FRY: variants seen among roughly 807,000 people sequenced by gnomAD.
FRY encodes the protein protein furry homolog.
In FRY, 128 loss-of-function variants were observed where a neutral mutation model predicts 348.4. That is an observed-to-expected ratio of 0.37 (90% CI 0.32 to 0.43). FRY has a LOEUF of 0.43. Ranked by LOEUF, FRY falls within the 20% of genes least tolerant of loss-of-function variation. FRY has a pLI of 1.00. For missense variants in FRY, 2,736 were observed against 3,695.2 expected, an observed-to-expected ratio of 0.74 and a Z score of 6.73; for synonymous variants, 1,370 against 1,374.7, an observed-to-expected ratio of 1.00 and a Z score of 0.08.
At chr13:32,042,568 C>G (rs1017252787) in intron 1 of FRY, among the ~76,000 whole-genome samples, 12 of 147,174 alleles carry the variant, frequency 8.2e-5, no homozygotes, top group African/African-American at 3.3e-4. Context: ...CTTAGAAGCT[C>G]AAAGACCTAG....
chr13:32,224,568 T>C (rs1012688521), intron 37 of FRY, among the ~76,000 whole-genome samples, 183 bp downstream of exon 37: 4 of 152,230 alleles, frequency 2.6e-5, no homozygotes, highest in African/African-American at 9.6e-5. Flanking sequence ...TTAATCAACA[T>C]TCAAAGCTGC....
At chr13:32,074,836 T>C (rs540033608) in intron 1 of FRY, among the ~76,000 whole-genome samples, 2 of 152,280 alleles carry the variant, frequency 1.3e-5, no homozygotes, top group East Asian at 3.9e-4. Context: ...TCCAGAGACC[T>C]GGCATGAAGA....
intron 3 of FRY, among the ~76,000 whole-genome samples, chr13:32,112,297 A>G (rs1382869656): frequency 6.6e-6 from 1 of 151,968 alleles, no homozygotes; most frequent in African/African-American, 2.4e-5. Flanking sequence ...AGAAGGAAAC[A>G]CATTTTGGAA....
At chr13:32,067,868 G>C (rs942361338) in intron 1 of FRY, among the ~76,000 whole-genome samples, 5 of 152,156 alleles carry the variant, frequency 3.3e-5, no homozygotes, top group African/African-American at 1.2e-4. Flanking sequence ...AAGCATATCA[G>C]TTTTTCTATA....
rs1033712153 is a variant in FRY at position 32,041,389 on chromosome 13, G to A, written c.70+9524G>A. Among the ~76,000 whole-genome samples the A allele has an allele frequency of 9.6e-5, 14 of 146,546 alleles. No homozygotes were observed. In the East Asian group the frequency reaches 2.2e-3, roughly 23 times the overall value. On this transcript the variant is annotated intron_variant, in intron 1 of 60. Transcript: ENST00000542859. ...GCTCACAGAAACCTCTGCGTCCTGGGTTCAAGCAATTCTTCTGCCTTAGCC... is the reference window on the plus strand; with the variant it reads ...GCTCACAGAAACCTCTGCGTCCTGGATTCAAGCAATTCTTCTGCCTTAGCC...
At chr13:32,154,953 A>G (rs536848365) in intron 14 of FRY, among the ~76,000 whole-genome samples, 1 of 152,322 alleles carries the variant, frequency 6.6e-6, no homozygotes, top group Admixed American at 6.5e-5. Context: ...TGTTTTCATC[A>G]GTAACAGGTT....
chr13:32,134,908 G>A lies in FRY; in HGVS notation c.890G>A (p.Cys297Tyr). 2 of 1,599,660 alleles carry A rather than the reference G, an allele frequency of 1.3e-6. No individual in the cohort carries two copies. The highest frequency in any genetic ancestry group is 1.7e-6 in the Non-Finnish European group (2 of 1,166,916). Reference protein sequence around the residue: ...FEASLQFMQECAHYFLEVKDK... With the variant: ...FEASLQFMQEYAHYFLEVKDK... The stretch of plus-strand genomic sequence containing the variant: ...TACTCTTTTTCTGCTTCCCAGGAAT[G>A]TGCACATTACTTCCTCGAGGTCAAA... Residue 297 changes from cysteine (C) to tyrosine (Y), a missense_variant, in exon 9 of 61, where the codon TGT becomes TAT. Coordinates refer to ENST00000542859, the MANE Select transcript of FRY (RefSeq NM_023037.3).
At chr13:32,065,960 C>T (rs1239376098) in intron 1 of FRY, among the ~76,000 whole-genome samples, 2 of 152,072 alleles carry the variant, frequency 1.3e-5, no homozygotes, top group African/African-American at 4.8e-5. Context: ...TTCATTGAAC[C>T]CCATATAATC....
intron 28 of FRY, 111 bp downstream of exon 28, chr13:32,187,767 A>T (rs1005701782): frequency 5.2e-5 from 37 of 707,796 alleles, no homozygotes; most frequent in Non-Finnish European, 7.9e-5. Context: ...CATCAGCCAC[A>T]CAAGTATAGA....
intron 49 of FRY, among the ~76,000 whole-genome samples, chr13:32,250,672 G>A (rs1887030756): frequency 2.0e-5 from 3 of 152,176 alleles, no homozygotes; most frequent in South Asian, 2.1e-4. Flanking sequence ...ATAAAAAGAG[G>A]GACAGTGTTA....
chr13:32,137,726 G>A (rs1185430348), intron 11 of FRY, among the ~76,000 whole-genome samples: 2 of 152,224 alleles, frequency 1.3e-5, no homozygotes, highest in African/African-American at 4.8e-5. Flanking sequence ...TCTTGGTTGT[G>A]TCCAAAGATG....
At chr13:32,285,813 T>C (rs1889017087) in intron 58 of FRY, among the ~76,000 whole-genome samples, 1 of 152,228 alleles carries the variant, frequency 6.6e-6, no homozygotes, top group Non-Finnish European at 1.5e-5. Flanking sequence ...ATTCTGCGGC[T>C]ATATAGACTT....
intron 11 of FRY, among the ~76,000 whole-genome samples, chr13:32,141,611 G>A (rs1197381703): frequency 1.3e-5 from 2 of 152,120 alleles, no homozygotes; most frequent in African/African-American, 4.8e-5. Flanking sequence ...TGCAACCCAG[G>A]AATCTGCATA....
intron 10 of FRY, 57 bp downstream of exon 10, chr13:32,135,240 T>C: frequency 9.5e-7 from 1 of 1,052,044 alleles, no homozygotes; most frequent in South Asian, 1.3e-5. Flanking sequence ...CTAAAATTCC[T>C]AGACAGGAAT....
chr13:32,082,445 T>C (rs1163626602), intron 2 of FRY, among the ~76,000 whole-genome samples: 1 of 152,142 alleles, frequency 6.6e-6, no homozygotes, highest in African/African-American at 2.4e-5. Flanking sequence ...CTTATCATTA[T>C]TTCACCTTTC....
chr13:32,269,620 A>T (rs528039110), intron 55 of FRY, among the ~76,000 whole-genome samples: 6 of 152,020 alleles, frequency 3.9e-5, no homozygotes, highest in Non-Finnish European at 8.8e-5. Context: ...TGAACCTGGG[A>T]GGCAGAGGTT....
intron 2 of FRY, among the ~76,000 whole-genome samples, chr13:32,083,097 T>C (rs187306671): frequency 8.5e-5 from 13 of 152,292 alleles, no homozygotes; most frequent in African/African-American, 3.1e-4. Flanking sequence ...TTTCTTATGC[T>C]ACATTGCATA....
chr13:32,036,342 C>T (rs1433205299), intron 1 of FRY, among the ~76,000 whole-genome samples: 1 of 152,188 alleles, frequency 6.6e-6, no homozygotes, highest in East Asian at 1.9e-4. Flanking sequence ...TCCACACCCT[C>T]TCTAAGGCCA....
intron 27 of FRY, 70 bp downstream of exon 27, chr13:32,186,490 C>A (rs1883037578): frequency 3.0e-6 from 3 of 989,978 alleles, no homozygotes; most frequent in Non-Finnish European, 1.6e-6. Flanking sequence ...AATAACCATG[C>A]CTTAAAAATA....
Sources: allele counts gnomAD v4.1 joint callset (sites outside exome capture counted in the v4.1 genomes callset), GRCh38; gene constraint gnomAD v4.1.1; transcripts MANE v1.5; gene names NCBI Gene and HGNC (gene_info 2026-07-23, HGNC 2026-07-21).